Variants in NPAS4 observed in about 807,000 individuals in gnomAD.
The protein encoded by NPAS4 is neuronal PAS domain protein 4.
In NPAS4, 10 loss-of-function variants were observed where a neutral mutation model predicts 64.0. The ratio of observed to expected loss-of-function variants is 0.16; its 90% confidence interval spans 0.10 to 0.26. NPAS4 has a LOEUF of 0.26. Ranked by LOEUF, NPAS4 falls within the 10% of genes least tolerant of loss-of-function variation. The pLI is 1.00. For missense variants in NPAS4, 886 were observed against 992.6 expected (o/e 0.89, Z 1.44); for synonymous variants, 441 against 411.7 (o/e 1.07, Z -0.86).
upstream of NPAS4, among the ~76,000 whole-genome samples, chr11:66,417,318 C>T (rs571381553): frequency 1.3e-4 from 19 of 151,976 alleles, no homozygotes; most frequent in South Asian, 3.7e-3. Flanking sequence ...GCTACACATG[C>T]CTGTGCCCAC....
In NPAS4 at chr11:66,423,941, C is replaced by A. The variant is rs1403089741; in HGVS notation, c.1051C>A (p.Leu351Ile). ...GCTGCCCTCATTCCCTGAAAACATT[C>A]TTTCCCAGGAAGAGTGCTCCAGCAC... ...TMLPSFPENI[L>I]SQEECSSTNP... The change falls in exon 7 of 8, where the codon CTT becomes ATT. Residue 351 changes from leucine (L) to isoleucine (I), a missense_variant. Leu to Ile is a conservative substitution (Grantham distance 5). Transcript: ENST00000311034. 6.8e-6 allele frequency: 11 copies of A among 1,614,070 alleles called. No homozygotes were observed. Among genetic ancestry groups the A allele is most frequent in the African/African-American group, 1.3e-5 (1 of 75,028 alleles).
chr11:66,422,096 G>T, intron 1 of NPAS4, 24 bp from the exon 2 acceptor site: 1 of 1,609,288 alleles, frequency 6.2e-7, no homozygotes, highest in Non-Finnish European at 8.5e-7. Context: ...TACTCCTGAC[G>T]CACTACGTCT....
At chr11:66,419,227 G>A (rs1368964864), upstream of NPAS4, among the ~76,000 whole-genome samples, 1 of 152,120 alleles carries the variant, frequency 6.6e-6, no homozygotes, top group South Asian at 2.1e-4. Flanking sequence ...CAGATAAGCG[G>A]ACATCGTTCC....
At chr11:66,416,298 G>T (rs1427627292), upstream of NPAS4, among the ~76,000 whole-genome samples, 12 of 152,286 alleles carry the variant, frequency 7.9e-5, no homozygotes, top group East Asian at 2.3e-3. Context: ...TCTCTCTCCA[G>T]GGTCAGATTC....
rs372559989 is a variant in NPAS4 at position 66,422,341 on chromosome 11, G to A, written c.327+70G>A. On this transcript the variant is annotated intron_variant, in intron 2 of 7. Coordinates refer to ENST00000311034, the MANE Select transcript of NPAS4 (RefSeq NM_178864.4). ...GTGCCGTGAGCCTTCCACTCCTGAG[G>A]AACTGGGAATTACTATGGAGGGAGA... 2.4e-3 allele frequency: 3,647 copies of A among 1,547,642 alleles called. 95 individuals are homozygous for A. The South Asian group carries it at 0.038, about 16-fold the overall frequency.
chr11:66,421,440 T>TCTAG, intron 1 of NPAS4, 86 bp downstream of exon 1: 1 of 1,247,122 alleles, frequency 8.0e-7, no homozygotes, highest in Non-Finnish European at 1.2e-6. Flanking sequence ...CTGTCGCATG[T>TCTAG]CTAGGGCAGC....
At chr11:66,417,028 A>G (rs1856679416), upstream of NPAS4, 1 of 152,122 alleles carries the variant, frequency 6.6e-6, no homozygotes, top group Non-Finnish European at 1.5e-5. Flanking sequence ...GTTTCCCAAT[A>G]AAGCTATGCA....
chr11:66,419,588 C>A (rs1856707299), upstream of NPAS4, among the ~76,000 whole-genome samples: 1 of 152,080 alleles, frequency 6.6e-6, no homozygotes, highest in Non-Finnish European at 1.5e-5. Context: ...TAAGAACATT[C>A]CCTAGCCCAC....
At chr11:66,423,423 G>C (rs1856784832) in intron 5 of NPAS4, 155 bp from the exon 6 acceptor site, 1 of 887,968 alleles carries the variant, frequency 1.1e-6, no homozygotes. Flanking sequence ...GACTCTGAGT[G>C]GTGAGGTCAA....
the NPAS4 span, among the ~76,000 whole-genome samples, chr11:66,413,891 G>A: frequency 1.3e-5 from 2 of 152,130 alleles, no homozygotes; most frequent in East Asian, 3.9e-4. Flanking sequence ...CAGCCTGCAG[G>A]TTCCATGAGG....
intron 7 of NPAS4, 31 bp from the exon 8 acceptor site, chr11:66,425,930 G>T: frequency 6.3e-7 from 1 of 1,577,788 alleles, no homozygotes; most frequent in Middle Eastern, 1.7e-4. Context: ...TGGTCTAACT[G>T]ATTGTGTTCT....
intron 5 of NPAS4, 78 bp from the exon 6 acceptor site, chr11:66,423,500 G>T: frequency 1.9e-6 from 3 of 1,545,104 alleles, no homozygotes; most frequent in Non-Finnish European, 2.7e-6. Flanking sequence ...TCTCAATTCA[G>T]TGGAGAGGTG....
intron 4 of NPAS4, 68 bp from the exon 5 acceptor site, chr11:66,423,055 G>C: frequency 6.7e-7 from 1 of 1,499,304 alleles, no homozygotes; most frequent in Non-Finnish European, 9.1e-7. Flanking sequence ...GGATCTGGGA[G>C]GGAGTGAGAT....
intron 5 of NPAS4, 46 bp downstream of exon 5, chr11:66,423,278 G>T: frequency 7.9e-7 from 1 of 1,261,180 alleles, no homozygotes. Context: ...GCTGGGAAAG[G>T]GCATGGGAGA....
Position 66,424,953 on chromosome 11 carries a change from C to T in NPAS4, c.2063C>T (p.Pro688Leu), listed in dbSNP as rs1444030237. Residue 688 changes from proline to leucine, a missense_variant, in exon 7 of 8, where the codon CCC becomes CTC. Physicochemically the swap from Pro to Leu is moderately conservative, Grantham distance 98. This residue lies in a region of NPAS4 where 820 missense variants were observed against 855.5 expected (regional missense o/e 0.96). Transcript: ENST00000311034. ...CCTGTGCTCAGCCTGGACCTGAAACCCTGGAAATGCCAGGAGCTGGACTTC... is the reference window on the plus strand; with the variant it reads ...CCTGTGCTCAGCCTGGACCTGAAACTCTGGAAATGCCAGGAGCTGGACTTC... ...GPPVLSLDLK[P>L]WKCQELDFLA... 13 of 1,614,024 alleles carry T rather than the reference C, an allele frequency of 8.1e-6. No individual in the cohort carries two copies. Among genetic ancestry groups the T allele is most frequent in the Non-Finnish European group, 1.0e-5 (12 of 1,180,028 alleles).
chr11:66,423,414 A>C, intron 5 of NPAS4, 164 bp from the exon 6 acceptor site: 1 of 847,958 alleles, frequency 1.2e-6, no homozygotes, highest in Non-Finnish European at 1.9e-6. Flanking sequence ...GAACTGGGGG[A>C]CTCTGAGTGG....
chr11:66,415,301 A>G, the NPAS4 span, among the ~76,000 whole-genome samples: 1 of 152,196 alleles, frequency 6.6e-6, no homozygotes, highest in Non-Finnish European at 1.5e-5. Flanking sequence ...TAAGTTGTCC[A>G]GGAGCACTAC....
upstream of NPAS4, chr11:66,420,874 T>C: frequency 2.9e-6 from 1 of 348,352 alleles, no homozygotes; most frequent in African/African-American, 2.1e-5. Context: ...CGTCATGAGA[T>C]GACGTCGGAA....
At position 66,421,187 on chromosome 11, in the gene NPAS4, G is replaced by A; in HGVS notation, c.8G>A (p.Arg3His). The change falls in exon 1 of 8, where the codon CGC (arginine) becomes CAC (histidine). Residue 3 changes from arginine (R) to histidine (H), a missense_variant. By Grantham distance (29) the Arg-to-His change is conservative. This residue lies in a region of NPAS4 where 38 missense variants were observed against 80.1 expected (regional missense o/e 0.47). Coordinates refer to ENST00000311034, the MANE Select transcript of NPAS4 (RefSeq NM_178864.4). MY[R>H]STKGASKARR... ...GCTCCGCAGCCGCCGGTCATGTACC[G>A]CTCCACCAAGGGCGCCTCCAAGGCG... 2 of 1,607,778 alleles carry A rather than the reference G, an allele frequency of 1.2e-6. No homozygotes were observed. Among genetic ancestry groups the A allele is most frequent in the Non-Finnish European group, 1.7e-6 (2 of 1,177,378 alleles).
Sources: gnomAD v4.1 joint callset for allele counts (sites outside exome capture counted in the v4.1 genomes callset) on GRCh38, gnomAD v4.1.1 for gene constraint, gnomAD v4.1.1 regional missense constraint, MANE v1.5 for transcripts, NCBI Gene and HGNC (gene_info 2026-07-23, HGNC 2026-07-21) for gene names.